RYR2: variants seen among roughly 807,000 people sequenced by gnomAD.
RYR2 encodes the protein cardiac muscle ryanodine receptor-calcium release channel.
RYR2 carries 227 observed loss-of-function variants against 601.1 expected under a neutral mutation model. The ratio of observed to expected loss-of-function variants is 0.38; its 90% confidence interval spans 0.34 to 0.42. The LOEUF (loss-of-function observed/expected upper bound fraction) is 0.42. Ranked by LOEUF, RYR2 falls within the 10% of genes least tolerant of loss-of-function variation. The pLI, the probability that RYR2 is intolerant of heterozygous loss-of-function variation, is 1.00. For missense variants in RYR2, 4,646 were observed against 6,156.5 expected (o/e 0.75, Z 8.21); for synonymous variants, 2,223 against 2,175.1 (o/e 1.02, Z -0.61).
intron 10 of RYR2, among the ~76,000 whole-genome samples, chr1:237,409,682 G>A (rs1704250670): frequency 6.6e-6 from 1 of 151,928 alleles, no homozygotes; most frequent in Non-Finnish European, 1.5e-5. Context: ...GAAATTCTAT[G>A]GTATATTCAT....
At chr1:237,243,918 C>T (rs1389787745) in intron 1 of RYR2, among the ~76,000 whole-genome samples, 1 of 152,150 alleles carries the variant, frequency 6.6e-6, no homozygotes, top group East Asian at 1.9e-4. Flanking sequence ...ACACATTATG[C>T]CAGCTGTGAG....
chr1:237,559,405 C>T (rs544399707), intron 27 of RYR2, among the ~76,000 whole-genome samples: 1 of 152,034 alleles, frequency 6.6e-6, no homozygotes, highest in East Asian at 1.9e-4. Context: ...CACCACCATG[C>T]CTGGCTAATT....
intron 3 of RYR2, among the ~76,000 whole-genome samples, chr1:237,333,030 TCTC>T (rs1696903340): frequency 6.6e-6 from 1 of 152,212 alleles, no homozygotes; most frequent in Admixed American, 6.5e-5. Flanking sequence ...AATTTCTGGA[TCTC>T]CTCAAGTATT....
chr1:237,650,148 T>C, intron 50 of RYR2, 51 bp downstream of exon 50: 3 of 1,500,478 alleles, frequency 2.0e-6, no homozygotes, highest in Non-Finnish European at 1.8e-6. Flanking sequence ...AAACAGAATT[T>C]ACAATGTGGC....
intron 1 of RYR2, among the ~76,000 whole-genome samples, chr1:237,145,418 G>T (rs926212978): frequency 1.3e-5 from 2 of 152,136 alleles, no homozygotes; most frequent in African/African-American, 2.4e-5. Context: ...CAACTGGGTT[G>T]TTCCTGGTTT....
At chr1:237,692,646 TG>T (rs1687048934) in intron 63 of RYR2, among the ~76,000 whole-genome samples, 1 of 152,162 alleles carries the variant, frequency 6.6e-6, no homozygotes, top group Admixed American at 6.6e-5. Flanking sequence ...CCAGGGTTTT[TG>T]CACATGCTGT....
chr1:237,697,458 T>G (rs1048698377), intron 63 of RYR2, among the ~76,000 whole-genome samples: 3 of 143,662 alleles, frequency 2.1e-5, no homozygotes, highest in African/African-American at 7.6e-5. Context: ...TAAATATATA[T>G]TATATGATAT....
chr1:237,327,062 G>T (rs1471626334), intron 2 of RYR2, among the ~76,000 whole-genome samples: 2 of 152,128 alleles, frequency 1.3e-5, no homozygotes, highest in African/African-American at 4.8e-5. Context: ...TGATGATTCT[G>T]TTTAAAATAA....
At chr1:237,466,732 AGT>A (rs1311137189) in intron 16 of RYR2, among the ~76,000 whole-genome samples, 2 of 152,154 alleles carry the variant, frequency 1.3e-5, no homozygotes, top group Non-Finnish European at 2.9e-5. Context: ...TAGCAATTAA[AGT>A]GTTTATTTAA....
At chr1:237,588,953 C>A (rs981302) in intron 29 of RYR2, among the ~76,000 whole-genome samples, 2 of 151,888 alleles carry the variant, frequency 1.3e-5, no homozygotes, top group African/African-American at 2.4e-5. Flanking sequence ...CAATCAATTC[C>A]AAAGAGCTCA....
intron 1 of RYR2, among the ~76,000 whole-genome samples, chr1:237,090,698 T>C (rs1666865356): frequency 6.6e-6 from 1 of 152,262 alleles, no homozygotes; most frequent in South Asian, 2.1e-4. Flanking sequence ...TGTCCTTGGT[T>C]ATAAATGACT....
chr1:237,589,697 C>A, intron 29 of RYR2, 96 bp from the exon 30 acceptor site: 1 of 1,204,840 alleles, frequency 8.3e-7, no homozygotes, highest in Non-Finnish European at 1.2e-6. Flanking sequence ...TGACAGCTCT[C>A]ACAAAGTTCG....
chr1:237,081,597 C>T (rs1665674424), intron 1 of RYR2, among the ~76,000 whole-genome samples: 1 of 151,796 alleles, frequency 6.6e-6, no homozygotes, highest in Non-Finnish European at 1.5e-5. Context: ...ATATGTGTTA[C>T]ATATATGGCA....
chr1:237,631,231 G>T (rs889413673), intron 41 of RYR2, among the ~76,000 whole-genome samples, 196 bp from the exon 42 acceptor site: 2 of 152,062 alleles, frequency 1.3e-5, no homozygotes, highest in Admixed American at 6.6e-5. Context: ...ATAGACATTC[G>T]TCAACCAATT....
chr1:237,661,006 A>T (rs985142883), intron 56 of RYR2, 59 bp downstream of exon 56: 3 of 1,243,310 alleles, frequency 2.4e-6, no homozygotes, highest in African/African-American at 3.1e-5. Flanking sequence ...ATAATTTTTT[A>T]AATTTAATTA....
chr1:237,330,419 G>A (rs763905020), intron 2 of RYR2, among the ~76,000 whole-genome samples: 4 of 152,288 alleles, frequency 2.6e-5, no homozygotes, highest in South Asian at 2.1e-4. Context: ...ACGGAGTCTC[G>A]CTCTGTCGCC....
At chr1:237,532,722 T>C (rs1021256802) in intron 25 of RYR2, among the ~76,000 whole-genome samples, 1 of 152,186 alleles carries the variant, frequency 6.6e-6, no homozygotes, top group Non-Finnish European at 1.5e-5. Flanking sequence ...ATCAATTGTA[T>C]CAAATGCTAT....
In RYR2 at chr1:237,133,941, C is replaced by A. The variant is rs375086462; in HGVS notation, c.48+91372C>A. ...CTCCGTCTCAAAAAAAAAAAAAAAA[C>A]CAAGTGGGAGTCATCCCTTAGTTAG... On this transcript the variant is annotated intron_variant, in intron 1 of 104. Transcript: ENST00000366574. Among the ~76,000 whole-genome samples, 115 of 60,694 alleles carry A rather than the reference C, an allele frequency of 1.9e-3. 1 individual carries two copies. The highest frequency in any genetic ancestry group is 2.9e-3 in the East Asian group (5 of 1,696). 39.8% of individuals were successfully genotyped at this position (60,694 alleles called of 152,430 possible).
intron 1 of RYR2, among the ~76,000 whole-genome samples, chr1:237,234,986 A>T (rs1387431916): frequency 6.6e-6 from 1 of 152,048 alleles, no homozygotes; most frequent in Admixed American, 6.6e-5. Context: ...CTTTAAAAGC[A>T]CTGATGTAGT....
Sources: gnomAD v4.1 joint callset for allele counts (sites outside exome capture counted in the v4.1 genomes callset) on GRCh38, gnomAD v4.1.1 for gene constraint, MANE v1.5 for transcripts, NCBI Gene and HGNC (gene_info 2026-07-23, HGNC 2026-07-21) for gene names.